The following AFF3 variants were observed in gnomAD, a reference collection of about 807,000 sequenced individuals.
AFF3 encodes ALF transcription elongation factor 3.
AFF3 carries 32 observed loss-of-function variants against 129.7 expected under a neutral mutation model. The ratio of observed to expected loss-of-function variants is 0.25; its 90% CI spans 0.19 to 0.33. The LOEUF is 0.33. Ranked by LOEUF, AFF3 falls within the 10% of genes least tolerant of loss-of-function variation. AFF3 has a pLI of 1.00. For missense variants in AFF3, 1,373 were observed against 1,592.0 expected (o/e 0.86, Z 2.34); for synonymous variants, 644 against 635.4 (o/e 1.01, Z -0.20).
intron 2 of AFF3, chr2:100,106,663 A>G: frequency 1.0e-6 from 1 of 986,274 alleles, no homozygotes. Context: ...TCCTGGCTGC[A>G]GCTGGGAAGC....
chr2:99,819,248 A>C (rs962541902), intron 8 of AFF3, among the ~76,000 whole-genome samples: 1 of 152,256 alleles, frequency 6.6e-6, no homozygotes, highest in African/African-American at 2.4e-5. Flanking sequence ...AGTTGTAAAG[A>C]AAACTGTAAA....
intron 13 of AFF3, among the ~76,000 whole-genome samples, chr2:99,635,926 C>T (rs189846071): frequency 3.3e-3 from 510 of 152,348 alleles, no homozygotes; most frequent in African/African-American, 0.012. Context: ...CCCCCCACAT[C>T]TGCCAGGACC....
intron 7 of AFF3, among the ~76,000 whole-genome samples, chr2:99,944,701 G>A (rs80226815): frequency 2.6e-5 from 4 of 152,208 alleles, no homozygotes; most frequent in African/African-American, 9.6e-5. Flanking sequence ...GCTTGGGGAA[G>A]GTACAAGAAG....
chr2:99,697,345 T>C (rs1676389496), intron 11 of AFF3, among the ~76,000 whole-genome samples: 1 of 152,124 alleles, frequency 6.6e-6, no homozygotes, highest in African/African-American at 2.4e-5. Flanking sequence ...CTGTCCTGGG[T>C]GTGGGAGATT....
Position 99,971,106 on chromosome 2 carries a change from C to T in AFF3, c.873+35526G>A, listed in dbSNP as rs369851656. On this transcript the variant is annotated intron_variant, in intron 7 of 24. Transcript: ENST00000672756. ...CTAAATAACTCTTTTTATTAAGCCA[C>T]AAGATCTAAATCCTCTCCAATTTGT... 3.3e-5 allele frequency among the ~76,000 whole-genome samples: 5 copies of T among 152,314 alleles called. No individual in the cohort carries two copies. In the East Asian group the frequency reaches 9.6e-4, roughly 29 times the overall value.
chr2:99,904,441 C>T (rs1429534791), intron 7 of AFF3, among the ~76,000 whole-genome samples: 1 of 151,506 alleles, frequency 6.6e-6, no homozygotes, highest in African/African-American at 2.4e-5. Context: ...CAAAAATACA[C>T]TCTGCCTTGG....
At chr2:100,054,739 A>G (rs1226585447) in intron 4 of AFF3, among the ~76,000 whole-genome samples, 3 of 152,230 alleles carry the variant, frequency 2.0e-5, no homozygotes, top group African/African-American at 7.2e-5. Context: ...ATCCTAATAC[A>G]ATCCCCAAAG....
intron 13 of AFF3, among the ~76,000 whole-genome samples, chr2:99,619,596 C>T (rs537410045): frequency 1.3e-5 from 2 of 152,340 alleles, no homozygotes; most frequent in African/African-American, 2.4e-5. Context: ...ATGCATGTCT[C>T]GCCATCAGAA....
At position 99,723,913 on chromosome 2, in the gene AFF3, C is replaced by T. The variant is rs150953069; in HGVS notation, c.1091+3164G>A. 5.9e-5 allele frequency among the ~76,000 whole-genome samples: 9 copies of T among 152,236 alleles called. No individual in the cohort carries two copies. In the East Asian group the frequency reaches 1.2e-3, roughly 20 times the overall value. On this transcript the variant is annotated intron_variant, in intron 11 of 24. Transcript: ENST00000672756. ...ACAGAGAGACGATGACGTGAGGACA[C>T]GTTGGGAGGAGACGGTCACCTACAA...
chr2:100,135,534 G>T (rs1692602805), intron 1 of AFF3, among the ~76,000 whole-genome samples: 1 of 152,150 alleles, frequency 6.6e-6, no homozygotes, highest in Non-Finnish European at 1.5e-5. Flanking sequence ...TGAAGAGAGA[G>T]AGCGCCCAAG....
chr2:100,078,132 A>C (rs1441476129), intron 4 of AFF3, among the ~76,000 whole-genome samples: 1 of 152,210 alleles, frequency 6.6e-6, no homozygotes, highest in African/African-American at 2.4e-5. Context: ...TGGCCAGCAA[A>C]TTCATGCCAA....
chr2:99,780,184 T>C (rs1236775307), intron 8 of AFF3, among the ~76,000 whole-genome samples: 2 of 152,160 alleles, frequency 1.3e-5, no homozygotes, highest in African/African-American at 2.4e-5. Context: ...CTCCTCTTTA[T>C]AGCAAAACTC....
chr2:99,939,065 T>C (rs1674787411), intron 7 of AFF3, among the ~76,000 whole-genome samples: 1 of 152,262 alleles, frequency 6.6e-6, no homozygotes, highest in South Asian at 2.1e-4. Context: ...GAAGCACTGT[T>C]GCTCTCTCTC....
chr2:99,578,597 T>C, intron 17 of AFF3, 146 bp from the exon 18 acceptor site: 1 of 1,271,296 alleles, frequency 7.9e-7, no homozygotes, highest in Non-Finnish European at 1.1e-6. Context: ...TTTGTCTCAA[T>C]AAAGAAATAC....
intron 4 of AFF3, among the ~76,000 whole-genome samples, chr2:100,020,180 C>T (rs1683471206): frequency 6.6e-6 from 1 of 151,722 alleles, no homozygotes; most frequent in Non-Finnish European, 1.5e-5. Context: ...TCCGTGGATG[C>T]TTTTCACTCC....
At chr2:100,060,576 A>G (rs961468927) in intron 4 of AFF3, among the ~76,000 whole-genome samples, 1 of 152,126 alleles carries the variant, frequency 6.6e-6, no homozygotes, top group Admixed American at 6.5e-5. Context: ...AATGATTTAA[A>G]TATTTATTTT....
intron 7 of AFF3, among the ~76,000 whole-genome samples, chr2:99,914,599 T>A (rs755094964): frequency 1.3e-5 from 2 of 152,136 alleles, no homozygotes; most frequent in African/African-American, 2.4e-5. Context: ...TTCTGGGAAA[T>A]ACACACTGAA....
intron 11 of AFF3, among the ~76,000 whole-genome samples, chr2:99,711,984 T>C (rs949522219): frequency 1.3e-5 from 2 of 152,196 alleles, no homozygotes; most frequent in Non-Finnish European, 1.5e-5. Flanking sequence ...TCTTAACTCA[T>C]GTCTCTGTGG....
chr2:100,041,527 C>T (rs111390864), intron 4 of AFF3, among the ~76,000 whole-genome samples: 4,582 of 152,018 alleles, frequency 0.03, 224 homozygotes, highest in African/African-American at 0.1. Context: ...CCCCACGTGC[C>T]CCCAAATCAT....
Sources: allele counts gnomAD v4.1 joint callset (sites outside exome capture counted in the v4.1 genomes callset), GRCh38; gene constraint gnomAD v4.1.1; transcripts MANE v1.5; gene names NCBI Gene and HGNC (gene_info 2026-07-23, HGNC 2026-07-21).